The following TASOR variants were observed in gnomAD, a reference collection of about 807,000 sequenced individuals.
TASOR encodes the protein protein TASOR.
Under a neutral mutation model 178.6 loss-of-function variants are expected in TASOR, and 53 were observed. That is an observed-to-expected ratio of 0.30 (90% confidence interval 0.24 to 0.37). TASOR has a LOEUF of 0.37. TASOR is among the 10% of genes least tolerant of loss of function. TASOR has a pLI of 1.00. For missense variants in TASOR, 1,815 were observed against 1,971.4 expected (o/e 0.92, Z 1.50); for synonymous variants, 713 against 696.2 (o/e 1.02, Z -0.38).
In TASOR at chr3:56,623,382, T is replaced by G. The variant is rs759620078; in HGVS notation, c.4668A>C (p.Gln1556His). 1.2e-6 allele frequency: 2 copies of G among 1,613,742 alleles called. No homozygotes were observed. The highest frequency in any genetic ancestry group is 2.2e-5 in the South Asian group (2 of 91,076). Residue 1556 changes from glutamine (Q) to histidine (H), a missense_variant, in exon 24 of 24, where the codon CAA becomes CAC. Gln to His is a conservative substitution (Grantham distance 24). This residue lies in a region of TASOR where 278 missense variants were observed against 257.1 expected (regional missense o/e 1.08). Coordinates refer to ENST00000683822, the MANE Select transcript of TASOR (RefSeq NM_001365635.2). ...QIELQSSPDVQNSLLEDKTYL... is the reference protein window; with the variant it reads ...QIELQSSPDVHNSLLEDKTYL... ...AAGTCTTATCTTCTAATAAACTGTT[T>G]TGCACATCAGGAGACGATTGCAACT... is the stretch of plus-strand genomic sequence containing the variant.
intron 7 of TASOR, among the ~76,000 whole-genome samples, chr3:56,665,666 C>T (rs1417722009): frequency 6.6e-6 from 1 of 151,746 alleles, no homozygotes; most frequent in Admixed American, 6.6e-5. Context: ...GCCAAAATCT[C>T]ACTTTTTAAA....
chr3:56,628,704 T>A, intron 18 of TASOR, 90 bp from the exon 19 acceptor site: 1 of 810,014 alleles, frequency 1.2e-6, no homozygotes, highest in Non-Finnish European at 1.9e-6. Flanking sequence ...CTGATAAGCT[T>A]AACTACTACC....
chr3:56,673,884 TG>T (rs34340445), intron 1 of TASOR, among the ~76,000 whole-genome samples, 159 bp from the exon 2 acceptor site: 5,130 of 134,086 alleles, frequency 0.038, 113 homozygotes, highest in Middle Eastern at 0.082. Context: ...ATTAACTCAT[TG>T]AAAAAAAATG....
chr3:56,657,326 CGA>C (rs2077494396), intron 11 of TASOR, among the ~76,000 whole-genome samples: 1 of 130,250 alleles, frequency 7.7e-6, no homozygotes, highest in Non-Finnish European at 1.6e-5. Context: ...GGCTCTGTCT[CGA>C]AAAAAAAAAA....
At chr3:56,660,052 A>C (rs1245402512) in intron 11 of TASOR, among the ~76,000 whole-genome samples, 1 of 151,706 alleles carries the variant, frequency 6.6e-6, no homozygotes, top group Non-Finnish European at 1.5e-5. Flanking sequence ...TAGTAGAGAC[A>C]GGGTTTCTCC....
In TASOR at chr3:56,640,169, A is replaced by G. The variant is rs960178055; in HGVS notation, c.2620-39T>C. The G allele has an allele frequency of 4.5e-6, 7 of 1,557,510 alleles. No homozygotes were observed. The African/African-American group carries it at 9.5e-5, about 21-fold the overall frequency. On this transcript the variant is annotated intron_variant, in intron 15 of 23. Transcript: ENST00000683822. ...TACACACTGAATAGCTTTATTTCCA[A>G]TTCATTTTAATGTCAAGAATAAACT...
Position 56,624,486 on chromosome 3 carries a change from C to T in TASOR, c.4476G>A (p.Ser1492=), listed in dbSNP as rs150032629. 68 of 1,611,840 alleles carry T rather than the reference C, an allele frequency of 4.2e-5. 1 individual carries two copies. Among genetic ancestry groups the T allele is most frequent in the South Asian group, 3.1e-4 (28 of 90,678 alleles). ...AAACCACTGAAAAGTTACCTGACTG[C>T]GACTCAAGATTCTCATTAGCACCAA... ...PQLGANENLE[S]QSALLENDEK... Residue 1492 remains serine (S), a synonymous_variant, in exon 23 of 24, where the codon TCG becomes TCA. Coordinates refer to ENST00000683822, the MANE Select transcript of TASOR (RefSeq NM_001365635.2).
intron 1 of TASOR, among the ~76,000 whole-genome samples, chr3:56,675,873 T>C (rs916416157): frequency 6.6e-6 from 1 of 152,218 alleles, no homozygotes; most frequent in Non-Finnish European, 1.5e-5. Flanking sequence ...GAGCCATTCA[T>C]CCATTCATTT....
At chr3:56,643,751 T>C (rs1455753164) in intron 14 of TASOR, among the ~76,000 whole-genome samples, 87 of 131,586 alleles carry the variant, frequency 6.6e-4, no homozygotes, top group African/African-American at 2.5e-3. Context: ...CGAGACTCCG[T>C]CTCAAAAAAA....
At position 56,622,929 on chromosome 3, in the gene TASOR, A is replaced by AAAG. The variant is rs2107520305; in HGVS notation, c.*105_*107dup. On this transcript the variant is annotated 3_prime_UTR_variant, in exon 24 of 24. Transcript: ENST00000683822. ...GTTACAGGCCATCATGATTTAAATAAAAGAAAAAACATTTGAGAAAGAACA... is the reference window on the plus strand; with the variant it reads ...GTTACAGGCCATCATGATTTAAATAAAAGAAGAAAAAACATTTGAGAAAGAACA... 1 of 692,844 alleles carries AAAG rather than the reference A, an allele frequency of 1.4e-6. No homozygotes were observed. The highest frequency in any genetic ancestry group is 3.0e-5 in the East Asian group (1 of 33,620). The allele number at this position is 692,844 out of a possible 1,614,324, so 42.9% of individuals were successfully genotyped here.
intron 18 of TASOR, among the ~76,000 whole-genome samples, chr3:56,631,681 T>G (rs1272669407): frequency 2.0e-5 from 3 of 151,552 alleles, no homozygotes; most frequent in African/African-American, 7.3e-5. Flanking sequence ...CCTCCCGGAT[T>G]CACCCCATTC....
At chr3:56,643,116 T>C (rs993379737) in intron 14 of TASOR, among the ~76,000 whole-genome samples, 1 of 150,852 alleles carries the variant, frequency 6.6e-6, no homozygotes, top group African/African-American at 2.4e-5. Context: ...ATACAAAAAT[T>C]AGCTGGGTAT....
chr3:56,667,159 CTGT>C (rs2030109074), intron 6 of TASOR, among the ~76,000 whole-genome samples: 2 of 152,178 alleles, frequency 1.3e-5, no homozygotes, highest in African/African-American at 4.8e-5. Flanking sequence ...AATATTGCTA[CTGT>C]CCAGAGGGTA....
intron 1 of TASOR, among the ~76,000 whole-genome samples, chr3:56,677,548 G>C (rs2031417323): frequency 1.3e-5 from 2 of 152,170 alleles, no homozygotes; most frequent in South Asian, 4.1e-4. Context: ...AAGCTGCTGG[G>C]ATTCAAATTC....
chr3:56,628,844 T>A, intron 18 of TASOR: 1 of 289,248 alleles, frequency 3.5e-6, no homozygotes, highest in South Asian at 7.1e-5. Context: ...CACTGCAGCC[T>A]TGACCTCCCA....
chr3:56,624,578 A>C lies in TASOR; in HGVS notation c.4384T>G (p.Phe1462Val). 3 of 1,613,972 alleles carry C rather than the reference A, an allele frequency of 1.9e-6. No homozygotes were observed. Among genetic ancestry groups the C allele is most frequent in the Non-Finnish European group, 2.5e-6 (3 of 1,179,842 alleles). ...NGIVVATAED[F>V]MQNFKNLVGY... is the part of the protein sequence containing the mutation. ...ACAAGATTTTTAAAGTTTTGCATGAAGTCTTCAGCAGTTGCAACCACTATT... is the reference window on the plus strand; with the variant it reads ...ACAAGATTTTTAAAGTTTTGCATGACGTCTTCAGCAGTTGCAACCACTATT... The change falls in exon 23 of 24, where the codon TTC (phenylalanine) becomes GTC (valine). Residue 1462 changes from phenylalanine (F) to valine (V), a missense_variant. Physicochemically the swap from Phe to Val is conservative, Grantham distance 50. Coordinates refer to ENST00000683822, the MANE Select transcript of TASOR (RefSeq NM_001365635.2).
At chr3:56,629,750 A>G (rs994188197) in intron 18 of TASOR, among the ~76,000 whole-genome samples, 8 of 152,166 alleles carry the variant, frequency 5.3e-5, no homozygotes, top group African/African-American at 1.9e-4. Flanking sequence ...TTTTAATGTC[A>G]GCACAGCTGG....
At chr3:56,682,564 C>A in intron 1 of TASOR, 112 bp downstream of exon 1, 1 of 1,022,698 alleles carries the variant, frequency 9.8e-7, no homozygotes, top group Non-Finnish European at 1.3e-6. Context: ...GCGGCCGGCG[C>A]TGCATGCGTG....
chr3:56,627,792 C>CA (rs773920322), intron 19 of TASOR, 51 bp from the exon 20 acceptor site: 3 of 1,568,006 alleles, frequency 1.9e-6, no homozygotes, highest in Non-Finnish European at 2.6e-6. Flanking sequence ...AATGAATTGA[C>CA]AGACTCAAGT....
Sources: allele counts gnomAD v4.1 joint callset (sites outside exome capture counted in the v4.1 genomes callset), GRCh38; gene constraint gnomAD v4.1.1; regional missense constraint gnomAD v4.1.1; transcripts MANE v1.5; gene names NCBI Gene and HGNC (gene_info 2026-07-23, HGNC 2026-07-21).